Variants in CADPS observed in about 807,000 individuals in gnomAD.
CADPS encodes the protein calcium-dependent secretion activator 1.
A neutral mutation model predicts 167.3 loss-of-function variants in CADPS; 57 were observed. The observed-to-expected ratio is 0.34, with a 90% CI of 0.28 to 0.42. The LOEUF is 0.42. Ranked by LOEUF, CADPS falls within the 20% of genes least tolerant of loss-of-function variation. CADPS has a pLI of 1.00. For synonymous variants in CADPS, 676 were observed against 635.3 expected (o/e 1.06, Z -0.96); for missense variants, 1,414 against 1,738.1 (o/e 0.81, Z 3.32).
At chr3:62,811,539 A>C (rs1388549913) in intron 1 of CADPS, among the ~76,000 whole-genome samples, 1 of 152,232 alleles carries the variant, frequency 6.6e-6, no homozygotes, top group Non-Finnish European at 1.5e-5. Flanking sequence ...CGTGCATTAT[A>C]AAGTCTTATC....
intron 13 of CADPS, chr3:62,530,933 C>T (rs560563767): frequency 5.2e-5 from 14 of 271,350 alleles, no homozygotes; most frequent in Middle Eastern, 1.7e-3. Context: ...AAAAAGCAGG[C>T]GCAAATGCAT....
chr3:62,412,380 T>C lies in CADPS; in HGVS notation c.3778-9195A>G, dbSNP rs2049138507. Among the ~76,000 whole-genome samples the C allele has an allele frequency of 6.6e-6, 1 of 152,132 alleles. No homozygotes were observed. Among genetic ancestry groups the C allele is most frequent in the Admixed American group, 6.5e-5 (1 of 15,276 alleles). ...TGCTGAGAGAATTCAGCTCCTCTTT[T>C]GCCTTTAGCCTTTTCTCATTAGGAA... On this transcript the variant is annotated intron_variant, in intron 28 of 29. Transcript: ENST00000383710. The surrounding 1 kb of genome is among the most constrained non-coding windows in gnomAD (Gnocchi z 4.1).
rs563070881 is a variant in CADPS, at chr3:62,609,113, C to T, written c.1326-16365G>A. On this transcript the variant is annotated intron_variant, in intron 6 of 29. Coordinates refer to ENST00000383710, the MANE Select transcript of CADPS (RefSeq NM_003716.4). ...TTTCTTTCAATGCATTTGACAATAA[C>T]AAAACTTGCTTTCTTTAACCCCTGG... Among the ~76,000 whole-genome samples, 5 of 152,302 alleles carry T rather than the reference C, an allele frequency of 3.3e-5. No individual in the cohort carries two copies. In the South Asian group the frequency reaches 1.0e-3, roughly 32 times the overall value.
intron 1 of CADPS, among the ~76,000 whole-genome samples, chr3:62,832,896 C>T (rs894552057): frequency 5.9e-5 from 9 of 152,128 alleles, no homozygotes; most frequent in African/African-American, 1.9e-4. Context: ...GATTTGGCTC[C>T]GCTTGGATGG....
At chr3:62,532,791 C>G in intron 13 of CADPS, 80 bp downstream of exon 13, 1 of 1,298,396 alleles carries the variant, frequency 7.7e-7, no homozygotes, top group Non-Finnish European at 1.1e-6. Flanking sequence ...ACAGGCAGAT[C>G]CTAAAAGCAA....
intron 1 of CADPS, among the ~76,000 whole-genome samples, chr3:62,825,468 A>T (rs2152957058): frequency 6.6e-6 from 1 of 152,218 alleles, no homozygotes; most frequent in East Asian, 1.9e-4. Context: ...GAGGTACAGC[A>T]AGCCCCCCAG....
intron 3 of CADPS, among the ~76,000 whole-genome samples, chr3:62,748,268 C>G (rs995690005): frequency 1.4e-5 from 2 of 138,616 alleles, no homozygotes; most frequent in Non-Finnish European, 3.0e-5. Context: ...ATGGCGTGAA[C>G]CCGGGAGGCG....
Position 62,726,275 on chromosome 3 carries a change from C to T in CADPS, c.888+27166G>A, listed in dbSNP as rs138974734. ...AGGATGACAGGCACAAAGATGTCCA[C>T]TTTAGGTCCATGGAAGAGCTTTTGA... On this transcript the variant is annotated intron_variant, in intron 3 of 29. Coordinates refer to ENST00000383710, the MANE Select transcript of CADPS (RefSeq NM_003716.4). Among the ~76,000 whole-genome samples the T allele has an allele frequency of 3.7e-3, 562 of 151,994 alleles. 24 individuals are homozygous for T. Among genetic ancestry groups the T allele is most frequent in the African/African-American group, 0.013 (549 of 41,264 alleles).
chr3:62,708,276 G>A (rs1236506706), intron 3 of CADPS, among the ~76,000 whole-genome samples: 2 of 151,518 alleles, frequency 1.3e-5, no homozygotes, highest in African/African-American at 4.9e-5. Context: ...AAATAACAAT[G>A]ATGTTATTTG....
chr3:62,611,883 C>T (rs1434938349), intron 6 of CADPS, among the ~76,000 whole-genome samples: 1 of 152,126 alleles, frequency 6.6e-6, no homozygotes, highest in Non-Finnish European at 1.5e-5. Flanking sequence ...GCTCTTTTTT[C>T]TCCTTATCAC....
At chr3:62,780,248 C>A (rs2091307149) in intron 1 of CADPS, among the ~76,000 whole-genome samples, 1 of 151,920 alleles carries the variant, frequency 6.6e-6, no homozygotes, top group Non-Finnish European at 1.5e-5. Flanking sequence ...AGATCCCATA[C>A]CTCAAAACTT....
At chr3:62,449,633 G>A (rs1259566302) in intron 26 of CADPS, among the ~76,000 whole-genome samples, 1 of 152,128 alleles carries the variant, frequency 6.6e-6, no homozygotes, top group African/African-American at 2.4e-5. Flanking sequence ...ACCAGGCACT[G>A]TATCTAGATC....
intron 3 of CADPS, among the ~76,000 whole-genome samples, chr3:62,721,391 C>T (rs1848109): frequency 0.29 from 43,558 of 151,692 alleles, 6,515 homozygotes; most frequent in South Asian, 0.36. Context: ...ATTACTTTAC[C>T]GTGGAGGAGA....
intron 1 of CADPS, among the ~76,000 whole-genome samples, chr3:62,836,227 C>G (rs945660287): frequency 2.0e-5 from 3 of 152,174 alleles, no homozygotes; most frequent in African/African-American, 7.2e-5. Context: ...AGGCATCTCT[C>G]TTGTTCTCAG....
At chr3:62,541,900 T>C (rs1200885115) in intron 11 of CADPS, among the ~76,000 whole-genome samples, 1 of 152,176 alleles carries the variant, frequency 6.6e-6, no homozygotes, top group African/African-American at 2.4e-5. Context: ...TATTTTTAGA[T>C]AGACTTGCAA....
intron 26 of CADPS, among the ~76,000 whole-genome samples, chr3:62,447,805 TAA>T (rs956517343): frequency 6.6e-6 from 1 of 152,190 alleles, no homozygotes; most frequent in Non-Finnish European, 1.5e-5. Context: ...TCATTTCTAC[TAA>T]AAGATTCTAA....
Position 62,857,722 on chromosome 3 carries a change from CT to C in CADPS, c.441+16866del, listed in dbSNP as rs1483162825. On this transcript the variant is annotated intron_variant, in intron 1 of 29. Coordinates refer to ENST00000383710, the MANE Select transcript of CADPS (RefSeq NM_003716.4). ...TATATATTATGTGCATAATGGATGT[CT>C]TTGGGTGGTAAAATTAGGTGACTTT... is the stretch of plus-strand genomic sequence containing the variant. Among the ~76,000 whole-genome samples, 4 of 151,870 alleles carry C rather than the reference CT, an allele frequency of 2.6e-5. No individual in the cohort carries two copies. In the South Asian group the frequency reaches 8.3e-4, roughly 32 times the overall value.
rs372766637 is a variant in CADPS at position 62,585,223 on chromosome 3, A to T, written c.1539T>A (p.Ala513=). The T allele has an allele frequency of 8.1e-6, 13 of 1,614,000 alleles. No homozygotes were observed. The highest frequency in any genetic ancestry group is 1.3e-5 in the African/African-American group (1 of 74,932). The change falls in exon 8 of 30, where the codon GCT becomes GCA. Residue 513 remains alanine (A), a synonymous_variant. Coordinates refer to ENST00000383710, the MANE Select transcript of CADPS (RefSeq NM_003716.4). ...CPDQDLKIKL[A]VRMDKPQNMK... The stretch of plus-strand genomic sequence containing the variant: ...TGTTTTGAGGCTTATCCATTCGGAC[A>T]GCAAGTTTGATTTTGAGATCTTGGT...
In CADPS at chr3:62,801,324, C is replaced by T. The variant is rs140215589; in HGVS notation, c.442-35340G>A. On this transcript the variant is annotated intron_variant, in intron 1 of 29. Transcript: ENST00000383710. ...CTGTTCTTTGGTTTTATGACTTTGG[C>T]TTACTCTGAAAGATTAAAAAAAGAA... 5.1e-4 allele frequency among the ~76,000 whole-genome samples: 78 copies of T among 152,074 alleles called. No individual in the cohort carries two copies. In the East Asian group the frequency reaches 0.012, roughly 23 times the overall value.
Sources: allele counts gnomAD v4.1 joint callset (sites outside exome capture counted in the v4.1 genomes callset), GRCh38; gene constraint gnomAD v4.1.1; non-coding constraint Gnocchi (gnomAD v3.1); transcripts MANE v1.5; gene names NCBI Gene and HGNC (gene_info 2026-07-23, HGNC 2026-07-21).